The following MEGF11 variants were observed in gnomAD, a reference collection of about 807,000 sequenced individuals.
MEGF11 encodes the protein multiple EGF like domains 11, also known as multiple epidermal growth factor-like domains protein 11.
MEGF11 carries 126 observed loss-of-function variants against 146.6 expected under a neutral mutation model. The ratio of observed to expected loss-of-function variants is 0.86; its 90% CI spans 0.74 to 1.00. The LOEUF is 1.00. Ranked by LOEUF, MEGF11 falls within the 50% of genes least tolerant of loss-of-function variation. The pLI, the probability that MEGF11 is intolerant of heterozygous loss-of-function variation, is 0.00. For synonymous variants in MEGF11, 532 were observed against 583.4 expected, an observed-to-expected ratio of 0.91 and a Z score of 1.27; for missense variants, 1,509 against 1,521.2, an observed-to-expected ratio of 0.99 and a Z score of 0.13.
chr15:66,215,631 GCAT>G (rs778509348), intron 1 of MEGF11, among the ~76,000 whole-genome samples: 100 of 152,318 alleles, frequency 6.6e-4, no homozygotes, highest in Non-Finnish European at 1.3e-3. Flanking sequence ...CAAAAATGAG[GCAT>G]CAGCACAGGT....
chr15:66,051,938 T>A (rs1294016628), intron 5 of MEGF11, among the ~76,000 whole-genome samples: 2 of 152,236 alleles, frequency 1.3e-5, no homozygotes, highest in African/African-American at 4.8e-5. Context: ...TGCTGTTTTT[T>A]CAGCCCCTCC....
At chr15:66,113,348 GCAGAGGGTGGCCTCTGGCATTC>G (rs2087538065) in intron 4 of MEGF11, among the ~76,000 whole-genome samples, 1 of 152,204 alleles carries the variant, frequency 6.6e-6, no homozygotes. Context: ...AAACCATACT[GCAGAGGGTGGCCTCTGGCATTC>G]CAAGCCACCA....
At chr15:66,246,684 A>C (rs531454376) in intron 1 of MEGF11, among the ~76,000 whole-genome samples, 3 of 152,064 alleles carry the variant, frequency 2.0e-5, no homozygotes, top group East Asian at 3.9e-4. Flanking sequence ...TGGTGGCAAC[A>C]CCTGTAGTCC....
At chr15:66,207,811 G>T (rs982141038) in intron 1 of MEGF11, among the ~76,000 whole-genome samples, 2 of 152,204 alleles carry the variant, frequency 1.3e-5, no homozygotes, top group African/African-American at 4.8e-5. Flanking sequence ...GGCCGGGAAT[G>T]GTGGCTCACG....
chr15:66,018,954 G>C (rs562975807), intron 5 of MEGF11, among the ~76,000 whole-genome samples: 1 of 152,140 alleles, frequency 6.6e-6, no homozygotes, highest in East Asian at 1.9e-4. Flanking sequence ...TGGCAGAGAG[G>C]GCAGAGTCAT....
chr15:66,028,580 A>G (rs2083414955), intron 5 of MEGF11, among the ~76,000 whole-genome samples: 2 of 152,214 alleles, frequency 1.3e-5, no homozygotes, highest in African/African-American at 4.8e-5. Context: ...AAGAATAACA[A>G]TTATTTATAT....
Position 65,910,046 on chromosome 15 carries a change from GCCT to G in MEGF11, c.2830-243_2830-241del, listed in dbSNP as rs538798798. 6.6e-4 allele frequency: 435 copies of G among 655,520 alleles called. 1 individual carries two copies. The African/African-American group carries it at 6.8e-3, about 10-fold the overall frequency. 40.6% of individuals were successfully genotyped at this position (655,520 alleles called of 1,614,324 possible). A position where few individuals can be genotyped will look rare whatever the true frequency, so the allele number is the denominator to read the frequency against. ...TGGGCTGAAGTTGTAGGGTTCCCAG[GCCT>G]CCTGGGGTAGCTTGAGCCAAGCTGG... is the stretch of plus-strand genomic sequence containing the variant. On this transcript the variant is annotated intron_variant, in intron 21 of 25. Transcript: ENST00000395614.
At chr15:65,978,736 AG>A (rs1567186586) in intron 7 of MEGF11, among the ~76,000 whole-genome samples, 1 of 152,180 alleles carries the variant, frequency 6.6e-6, no homozygotes, top group Non-Finnish European at 1.5e-5. Context: ...AGACTGGTTC[AG>A]GGTGGAAGAA....
intron 5 of MEGF11, among the ~76,000 whole-genome samples, chr15:66,047,394 T>C (rs181483605): frequency 6.6e-6 from 1 of 152,214 alleles, no homozygotes; most frequent in African/African-American, 2.4e-5. Context: ...GCGAGTTACA[T>C]GTCTTCTCTG....
chr15:66,218,980 A>G (rs202069934), intron 1 of MEGF11, among the ~76,000 whole-genome samples: 1 of 87,370 alleles, frequency 1.1e-5, no homozygotes, highest in African/African-American at 4.7e-5. Flanking sequence ...ATCCACAGGC[A>G]AAAAAAAAAA....
intron 5 of MEGF11, among the ~76,000 whole-genome samples, chr15:66,007,717 A>T (rs1353101948): frequency 6.6e-6 from 1 of 152,182 alleles, no homozygotes; most frequent in Admixed American, 6.5e-5. Flanking sequence ...GTGCCACTGC[A>T]CTCCAGCCTG....
At chr15:66,213,525 C>G (rs771524597) in intron 1 of MEGF11, among the ~76,000 whole-genome samples, 4 of 152,082 alleles carry the variant, frequency 2.6e-5, no homozygotes, top group African/African-American at 4.8e-5. Context: ...GATATAGGCA[C>G]TCCTGCTTTG....
chr15:65,909,162 C>T, intron 22 of MEGF11, 27 bp from the exon 23 acceptor site: 1 of 1,445,712 alleles, frequency 6.9e-7, no homozygotes, highest in Non-Finnish European at 9.4e-7. Context: ...CAGGGAGGAG[C>T]CATTATTCCC....
chr15:65,914,064 A>C, intron 19 of MEGF11, 91 bp from the exon 20 acceptor site: 2 of 928,158 alleles, frequency 2.2e-6, no homozygotes, highest in Non-Finnish European at 3.3e-6. Context: ...AACCCCTCTA[A>C]TGTTAGGAGA....
At chr15:66,206,996 A>G (rs1033341130) in intron 1 of MEGF11, among the ~76,000 whole-genome samples, 3 of 152,222 alleles carry the variant, frequency 2.0e-5, no homozygotes, top group Non-Finnish European at 4.4e-5. Flanking sequence ...AGATAGCTCA[A>G]GTGAAATTAT....
chr15:66,051,004 C>T (rs1185724861), intron 5 of MEGF11, among the ~76,000 whole-genome samples: 1 of 152,202 alleles, frequency 6.6e-6, no homozygotes, highest in Non-Finnish European at 1.5e-5. Flanking sequence ...TGAGGGCATC[C>T]AGTTCAGAGG....
intron 5 of MEGF11, among the ~76,000 whole-genome samples, chr15:66,092,716 G>A (rs1052229664): frequency 6.6e-6 from 1 of 152,132 alleles, no homozygotes; most frequent in Non-Finnish European, 1.5e-5. Flanking sequence ...GCACAGTCCC[G>A]AGCATAGAGC....
intron 1 of MEGF11, among the ~76,000 whole-genome samples, chr15:66,211,575 G>A (rs2140129762): frequency 1.3e-5 from 2 of 150,884 alleles, no homozygotes; most frequent in South Asian, 4.2e-4. Flanking sequence ...ACTCAAGGAA[G>A]CCGAGGGTCT....
intron 1 of MEGF11, among the ~76,000 whole-genome samples, chr15:66,185,859 G>T (rs1290726028): frequency 6.6e-6 from 1 of 152,228 alleles, no homozygotes; most frequent in African/African-American, 2.4e-5. Context: ...GGCCAGGCAG[G>T]GGCTTAAAAA....
Sources: gnomAD v4.1 joint callset for allele counts (sites outside exome capture counted in the v4.1 genomes callset) on GRCh38, gnomAD v4.1.1 for gene constraint, MANE v1.5 for transcripts, NCBI Gene and HGNC (gene_info 2026-07-23, HGNC 2026-07-21) for gene names.